The following PCDH11X variants were observed in gnomAD, a reference collection of about 807,000 sequenced individuals.
The protein encoded by PCDH11X is protocadherin 11 X-linked.
A neutral mutation model predicts 53.3 loss-of-function variants in PCDH11X; 18 were observed. The observed-to-expected ratio is 0.34, with a 90% CI of 0.23 to 0.50. PCDH11X has a LOEUF of 0.50. PCDH11X is among the 20% of genes least tolerant of loss of function. PCDH11X has a pLI of 0.98. For missense variants in PCDH11X, 570 were observed against 1,032.4 expected (o/e 0.55, Z 6.14); for synonymous variants, 279 against 393.3 (o/e 0.71, Z 3.44).
At chrX:92,255,845 G>C (rs1051880656) in intron 7 of PCDH11X, among the ~76,000 whole-genome samples, 2 of 112,270 alleles carry the variant, frequency 1.8e-5, no homozygotes, top group African/African-American at 6.5e-5. Flanking sequence ...AAAGCTGTCA[G>C]ACAGGGACAT....
intron 6 of PCDH11X, among the ~76,000 whole-genome samples, chrX:91,936,611 AT>A (rs985681038): frequency 2.6e-4 from 27 of 105,797 alleles, no homozygotes; most frequent in Non-Finnish European, 4.5e-4. Context: ...GCCTAAAATA[AT>A]TTTTATCATT....
At chrX:92,050,022 G>C (rs1360184062) in intron 6 of PCDH11X, among the ~76,000 whole-genome samples, 1 of 112,117 alleles carries the variant, frequency 8.9e-6, no homozygotes, top group African/African-American at 3.2e-5. Context: ...TGATCTGCCC[G>C]CCTCGGCCTC....
At chrX:92,119,969 A>G (rs2064720642) in intron 6 of PCDH11X, among the ~76,000 whole-genome samples, 3 of 109,976 alleles carry the variant, frequency 2.7e-5, no homozygotes, top group African/African-American at 9.9e-5. Flanking sequence ...AGGTACTTTA[A>G]CATGATATTT....
At chrX:91,875,277 ATTTTT>A (rs1179910381) in intron 5 of PCDH11X, among the ~76,000 whole-genome samples, 2 of 63,754 alleles carry the variant, frequency 3.1e-5, no homozygotes, top group Non-Finnish European at 5.6e-5. Flanking sequence ...CAGGGAGGGG[ATTTTT>A]TTTTTTTTTT....
At chrX:92,285,716 T>C (rs1389108066) in intron 8 of PCDH11X, among the ~76,000 whole-genome samples, 1 of 111,069 alleles carries the variant, frequency 9.0e-6, no homozygotes, top group Non-Finnish European at 1.9e-5. Context: ...AATTAAAGAT[T>C]GCTGAGACCA....
At chrX:92,051,504 A>G (rs1202945129) in intron 6 of PCDH11X, among the ~76,000 whole-genome samples, 1 of 111,550 alleles carries the variant, frequency 9.0e-6, no homozygotes, top group Admixed American at 9.6e-5. Flanking sequence ...CAGAAACAAA[A>G]TATCATGAAT....
intron 6 of PCDH11X, among the ~76,000 whole-genome samples, chrX:91,901,420 A>T (rs1164199174): frequency 9.0e-6 from 1 of 111,041 alleles, no homozygotes; most frequent in Non-Finnish European, 1.9e-5. Context: ...CTTTCCTGTC[A>T]GCCTTTCTGA....
chrX:92,527,834 T>C (rs1569500680), intron 10 of PCDH11X, among the ~76,000 whole-genome samples: 1 of 110,289 alleles, frequency 9.1e-6, no homozygotes, highest in Non-Finnish European at 1.9e-5. Context: ...TGAATTTTAC[T>C]TTGCTGACCC....
rs1320517019 is a variant in PCDH11X, at chrX:92,024,798, A to G, written c.3033+145525A>G. On this transcript the variant is annotated intron_variant, in intron 6 of 10. Coordinates refer to ENST00000682573, the MANE Select transcript of PCDH11X (RefSeq NM_032968.5). ...TGACTTCAAACTATACTACAAGGCT[A>G]CAATAAGCAAAACTTCGTGGTACTG... Among the ~76,000 whole-genome samples the G allele has an allele frequency of 1.3e-4, 14 of 107,796 alleles. No homozygotes were observed. In the East Asian group the frequency reaches 3.2e-3, roughly 25 times the overall value. The allele number at this position is 107,796 out of a possible 115,157, so 93.6% of individuals were successfully genotyped here.
intron 10 of PCDH11X, among the ~76,000 whole-genome samples, chrX:92,495,289 T>C (rs1023996554): frequency 9.1e-6 from 1 of 109,869 alleles, no homozygotes; most frequent in African/African-American, 3.3e-5. Context: ...TAATCTTAGG[T>C]TCACTTAATG....
intron 6 of PCDH11X, among the ~76,000 whole-genome samples, chrX:92,051,738 G>A (rs2148048003): frequency 9.0e-6 from 1 of 111,341 alleles, no homozygotes; most frequent in Non-Finnish European, 1.9e-5. Context: ...GTTAGTGAGA[G>A]CCTGGGTAAA....
At chrX:91,826,015 T>G (rs1207878586) in intron 4 of PCDH11X, among the ~76,000 whole-genome samples, 1 of 109,954 alleles carries the variant, frequency 9.1e-6, no homozygotes, top group African/African-American at 3.4e-5. Context: ...TACTAATACT[T>G]TTGAAGCAGG....
intron 10 of PCDH11X, among the ~76,000 whole-genome samples, chrX:92,579,234 C>T (rs1460876756): frequency 9.3e-6 from 1 of 108,065 alleles, no homozygotes; most frequent in African/African-American, 3.4e-5. Context: ...TGGGTTTGAT[C>T]TTCTCATGGA....
In PCDH11X at chrX:92,622,642, G is replaced by T. The variant is rs1928593759; in HGVS notation, c.*3702G>T. ...TGAATGCTTCCAACTGGCTCAATTG[G>T]CCGGGAAAACATGGGAGCAAGAGAA... On this transcript the variant is annotated 3_prime_UTR_variant, in exon 11 of 11. Coordinates refer to ENST00000682573, the MANE Select transcript of PCDH11X (RefSeq NM_032968.5). The T allele has an allele frequency of 9.1e-6, 1 of 110,480 alleles. No individual in the cohort carries two copies. The highest frequency in any genetic ancestry group is 1.9e-5 in the Non-Finnish European group (1 of 52,770). 9.1% of individuals were successfully genotyped at this position (110,480 alleles called of 1,213,427 possible).
intron 6 of PCDH11X, among the ~76,000 whole-genome samples, chrX:92,187,322 C>T (rs1405064097): frequency 8.9e-6 from 1 of 111,932 alleles, no homozygotes; most frequent in Non-Finnish European, 1.9e-5. Flanking sequence ...TTCATTCCTT[C>T]TTCTTTCCTT....
intron 6 of PCDH11X, among the ~76,000 whole-genome samples, chrX:91,902,576 C>A (rs937434559): frequency 9.3e-6 from 1 of 107,948 alleles, no homozygotes; most frequent in East Asian, 2.9e-4. Flanking sequence ...TTATATATAA[C>A]CTATATCCTG....
intron 6 of PCDH11X, among the ~76,000 whole-genome samples, chrX:91,886,028 A>C (rs1470134370): frequency 8.9e-6 from 1 of 111,732 alleles, no homozygotes; most frequent in East Asian, 2.8e-4. Flanking sequence ...AGAGAATATT[A>C]TCTCTATTTG....
chrX:92,217,824 G>A (rs1310354759), intron 7 of PCDH11X, among the ~76,000 whole-genome samples: 1 of 111,367 alleles, frequency 9.0e-6, no homozygotes, highest in Non-Finnish European at 1.9e-5. Context: ...CTCAGCAAAT[G>A]TAAAAGAACA....
At chrX:92,021,583 T>A (rs1430280307) in intron 6 of PCDH11X, among the ~76,000 whole-genome samples, 1 of 105,374 alleles carries the variant, frequency 9.5e-6, no homozygotes, top group African/African-American at 3.5e-5. Context: ...TGAAACCAAG[T>A]TAGAAAACAC....
Sources: allele counts gnomAD v4.1 joint callset (sites outside exome capture counted in the v4.1 genomes callset), GRCh38; gene constraint gnomAD v4.1.1; transcripts MANE v1.5; gene names NCBI Gene and HGNC (gene_info 2026-07-23, HGNC 2026-07-21).